Variants in DNAH5 observed in about 807,000 individuals in gnomAD.
DNAH5 encodes dynein axonemal heavy chain 5, also known as axonemal beta dynein heavy chain 5.
A neutral mutation model predicts 518.2 loss-of-function variants in DNAH5; 372 were observed. The ratio of observed to expected loss-of-function variants is 0.72; its 90% CI spans 0.66 to 0.78. The LOEUF (loss-of-function observed/expected upper bound fraction) is 0.78. DNAH5 is among the 30% of genes least tolerant of loss of function. The pLI is 0.00. For synonymous variants in DNAH5, 2,039 were observed against 2,025.9 expected (o/e 1.01, Z -0.17); for missense variants, 5,523 against 5,687.0 (o/e 0.97, Z 0.93).
intron 58 of DNAH5, among the ~76,000 whole-genome samples, chr5:13,767,998 A>T (rs1482175390): frequency 2.6e-5 from 4 of 152,234 alleles, no homozygotes; most frequent in Non-Finnish European, 5.9e-5. Flanking sequence ...GAACTTTCTT[A>T]GTAAAAGTGA....
At chr5:13,715,766 A>G (rs928879366) in intron 74 of DNAH5, among the ~76,000 whole-genome samples, 1 of 152,198 alleles carries the variant, frequency 6.6e-6, no homozygotes, top group African/African-American at 2.4e-5. Context: ...AAATCTACCT[A>G]TTCCTTCTTA....
chr5:13,993,114 A>G (rs559586668), intron 1 of DNAH5, among the ~76,000 whole-genome samples: 1 of 152,370 alleles, frequency 6.6e-6, no homozygotes, highest in Non-Finnish European at 1.5e-5. Context: ...ATGAAGAGGC[A>G]ATGGGTGTCC....
At chr5:13,942,895 G>C (rs1274928889) in intron 1 of DNAH5, among the ~76,000 whole-genome samples, 1 of 152,186 alleles carries the variant, frequency 6.6e-6, no homozygotes, top group Non-Finnish European at 1.5e-5. Flanking sequence ...ACTTTACCAT[G>C]CTTTACCAAG....
intron 1 of DNAH5, among the ~76,000 whole-genome samples, chr5:13,961,462 G>A (rs1033817434): frequency 3.3e-5 from 5 of 152,016 alleles, no homozygotes; most frequent in South Asian, 2.1e-4. Flanking sequence ...TGGCCAACAT[G>A]GTGAAACCCC....
At chr5:13,990,047 C>T (rs1237225027) in intron 1 of DNAH5, among the ~76,000 whole-genome samples, 2 of 152,136 alleles carry the variant, frequency 1.3e-5, no homozygotes, top group African/African-American at 2.4e-5. Context: ...CAAGGTCACA[C>T]AGCTAATGAG....
At chr5:13,706,826 AT>A (rs1337779499) in intron 76 of DNAH5, among the ~76,000 whole-genome samples, 1 of 152,210 alleles carries the variant, frequency 6.6e-6, no homozygotes, top group Non-Finnish European at 1.5e-5. Context: ...ATTTTGATAT[AT>A]ACATACTACA....
Position 13,839,278 on chromosome 5 carries a change from A to G in DNAH5, c.5882+78T>C, listed in dbSNP as rs568804607. ...TTAGTATAAAGAGCCTATAAACCCT[A>G]AGAGACTTTAAGCAAAAATCCCCTG... is the stretch of plus-strand genomic sequence containing the variant. On this transcript the variant is annotated intron_variant, in intron 35 of 78. Transcript: ENST00000265104. 1.6e-5 allele frequency: 22 copies of G among 1,371,588 alleles called. No homozygotes were observed. In the East Asian group the frequency reaches 4.6e-4, roughly 28 times the overall value. The allele number at this position is 1,371,588 out of a possible 1,614,324, so 85.0% of individuals were successfully genotyped here. A position where few individuals can be genotyped will look rare whatever the true frequency, so the allele number is the denominator to read the frequency against.
intron 16 of DNAH5, 92 bp downstream of exon 16, chr5:13,894,558 T>C (rs557592755): frequency 2.2e-6 from 3 of 1,382,942 alleles, no homozygotes; most frequent in East Asian, 4.7e-5. Flanking sequence ...CATTTCATTA[T>C]TTATATCTCC....
chr5:13,938,614 G>A (rs914209253), intron 1 of DNAH5, among the ~76,000 whole-genome samples: 18 of 151,720 alleles, frequency 1.2e-4, no homozygotes, highest in South Asian at 2.1e-4. Context: ...TATATATAGG[G>A]TTCAATCCTA....
intron 70 of DNAH5, among the ~76,000 whole-genome samples, chr5:13,726,895 C>G (rs1480619505): frequency 6.6e-6 from 1 of 152,222 alleles, no homozygotes; most frequent in Non-Finnish European, 1.5e-5. Context: ...ATCATAAAGG[C>G]AAGACACAAG....
chr5:13,727,371 A>G, intron 70 of DNAH5, 136 bp downstream of exon 70: 1 of 831,700 alleles, frequency 1.2e-6, no homozygotes, highest in South Asian at 1.9e-5. Context: ...TTTTTCACAC[A>G]TATTGCTAGA....
rs1343749304 is a variant in DNAH5, at chr5:13,751,103, C to A, written c.11186G>T (p.Gly3729Val). ...TMKGLEDQLL[G>V]RVILTEKQEL... is the part of the protein sequence containing the mutation. ...CTGCTTCTCTGTGAGAATGACCCTC[C>A]CCAGTAACTGATCTTCTAGACCTTT... Residue 3729 changes from glycine (G) to valine (V), a missense_variant, in exon 65 of 79, where the codon GGG becomes GTG. Physicochemically the swap from Gly to Val is moderately radical, Grantham distance 109. Transcript: ENST00000265104. The A allele has an allele frequency of 1.2e-6, 2 of 1,613,772 alleles. No homozygotes were observed. The highest frequency in any genetic ancestry group is 1.7e-6 in the Non-Finnish European group (2 of 1,179,898).
intron 1 of DNAH5, among the ~76,000 whole-genome samples, chr5:13,971,153 G>T (rs954558087): frequency 1.3e-5 from 2 of 151,116 alleles, no homozygotes; most frequent in Admixed American, 6.6e-5. Flanking sequence ...TCCTATTTAG[G>T]CTATTTCTCT....
chr5:13,706,238 T>C (rs753846123), intron 76 of DNAH5, among the ~76,000 whole-genome samples: 3 of 152,260 alleles, frequency 2.0e-5, no homozygotes, highest in Non-Finnish European at 2.9e-5. Flanking sequence ...GTGAATCCTG[T>C]TGCCTTTCCA....
At chr5:13,781,370 C>T (rs114745765) in intron 52 of DNAH5, among the ~76,000 whole-genome samples, 7 of 152,170 alleles carry the variant, frequency 4.6e-5, no homozygotes, top group East Asian at 3.9e-4. Flanking sequence ...AGGGCATCGT[C>T]GTTGATGAGA....
At chr5:13,885,351 T>A in intron 18 of DNAH5, 123 bp from the exon 19 acceptor site, 2 of 1,230,090 alleles carry the variant, frequency 1.6e-6, no homozygotes, top group South Asian at 2.6e-5. Context: ...TACATGCAAG[T>A]TTAGTATCAC....
chr5:13,904,918 AAAAGAAAATGAAAG>A (rs1775100328), intron 12 of DNAH5, among the ~76,000 whole-genome samples: 1 of 152,182 alleles, frequency 6.6e-6, no homozygotes, highest in South Asian at 2.1e-4. Context: ...TTCAAAAAAG[AAAAGAAAATGAAAG>A]AAAGAAAGAA....
intron 3 of DNAH5, among the ~76,000 whole-genome samples, chr5:13,925,722 A>G (rs1390746371): frequency 1.3e-5 from 2 of 152,204 alleles, no homozygotes; most frequent in Non-Finnish European, 2.9e-5. Context: ...TCCTACCAAG[A>G]CACGTGATAA....
chr5:13,762,722 C>T lies in DNAH5; in HGVS notation c.10281G>A (p.Lys3427=). The T allele has an allele frequency of 4.3e-6, 7 of 1,613,952 alleles. No individual in the cohort carries two copies. The highest frequency in any genetic ancestry group is 5.9e-6 in the Non-Finnish European group (7 of 1,179,952). ...FSINKEVLPL[K]ANLVVQENRH... ...ACCCAGGTCTGCCTAGCAGGCTTAC[C>T]TTCAGAGGCAGTACTTCTTTGTTTA... Residue 3427 remains lysine (K), a splice_region_variant and synonymous_variant, in exon 60 of 79, where the codon AAG becomes AAA. Transcript: ENST00000265104.
Sources: gnomAD v4.1 joint callset for allele counts (sites outside exome capture counted in the v4.1 genomes callset) on GRCh38, gnomAD v4.1.1 for gene constraint, MANE v1.5 for transcripts, NCBI Gene and HGNC (gene_info 2026-07-23, HGNC 2026-07-21) for gene names.